FRMD5: variants seen among roughly 807,000 people sequenced by gnomAD.
FRMD5 encodes FERM domain containing 5.
FRMD5 carries 20 observed loss-of-function variants against 69.0 expected under a neutral mutation model. The ratio of observed to expected loss-of-function variants is 0.29; its 90% CI spans 0.20 to 0.42. The LOEUF is 0.42. Ranked by LOEUF, FRMD5 falls within the 10% of genes least tolerant of loss-of-function variation. FRMD5 has a pLI of 1.00. For missense variants in FRMD5, 595 were observed against 708.6 expected, an observed-to-expected ratio of 0.84 and a Z score of 1.82; for synonymous variants, 271 against 260.1, an observed-to-expected ratio of 1.04 and a Z score of -0.40.
At chr15:44,090,682 C>T (rs187160903) in intron 1 of FRMD5, among the ~76,000 whole-genome samples, 8 of 152,112 alleles carry the variant, frequency 5.3e-5, no homozygotes, top group Admixed American at 3.3e-4. Context: ...TCAGGTGATC[C>T]GCCCGCCTCA....
At chr15:44,162,848 C>A (rs1275345165) in intron 1 of FRMD5, among the ~76,000 whole-genome samples, 2 of 126,642 alleles carry the variant, frequency 1.6e-5, no homozygotes, top group African/African-American at 6.3e-5. Context: ...GCATGGGCAA[C>A]GAGAGCGAAA....
chr15:43,907,689 G>T (rs1428810188), intron 5 of FRMD5, among the ~76,000 whole-genome samples: 1 of 152,134 alleles, frequency 6.6e-6, no homozygotes, highest in Non-Finnish European at 1.5e-5. Context: ...TGTATTTTTA[G>T]GAGAGACGGG....
intron 1 of FRMD5, among the ~76,000 whole-genome samples, chr15:44,145,817 C>T (rs532734009): frequency 2.6e-5 from 4 of 152,178 alleles, no homozygotes; most frequent in South Asian, 2.1e-4. Context: ...GGGCATTATT[C>T]GGCCACTAAT....
chr15:44,021,590 C>CA (rs1391627326), intron 1 of FRMD5, among the ~76,000 whole-genome samples: 2 of 152,096 alleles, frequency 1.3e-5, no homozygotes, highest in African/African-American at 4.8e-5. Flanking sequence ...AAATGCAAAT[C>CA]AAAACCACAA....
intron 1 of FRMD5, among the ~76,000 whole-genome samples, chr15:43,978,249 T>A (rs545943803): frequency 1.3e-5 from 2 of 152,212 alleles, no homozygotes; most frequent in African/African-American, 4.8e-5. Context: ...AAAATACAAA[T>A]GAGATACCAC....
chr15:43,882,715 G>C (rs547295725), intron 13 of FRMD5, among the ~76,000 whole-genome samples: 1 of 152,000 alleles, frequency 6.6e-6, no homozygotes, highest in Non-Finnish European at 1.5e-5. Context: ...GAAATGCTTC[G>C]GAACCAAGAA....
At chr15:44,063,008 T>C (rs1186684786) in intron 1 of FRMD5, among the ~76,000 whole-genome samples, 1 of 152,220 alleles carries the variant, frequency 6.6e-6, no homozygotes, top group Non-Finnish European at 1.5e-5. Flanking sequence ...CAATTTTGAT[T>C]ACTGGTGCTT....
At chr15:43,970,386 G>A (rs942365509) in intron 1 of FRMD5, among the ~76,000 whole-genome samples, 4 of 152,224 alleles carry the variant, frequency 2.6e-5, no homozygotes, top group Non-Finnish European at 5.9e-5. Flanking sequence ...ATGTTTTTTA[G>A]TTTATGCCCT....
At chr15:44,168,258 G>C (rs1336830254) in intron 1 of FRMD5, among the ~76,000 whole-genome samples, 2 of 152,206 alleles carry the variant, frequency 1.3e-5, no homozygotes, top group Admixed American at 6.5e-5. Flanking sequence ...TGATCTTTGA[G>C]TGACTTCCCA....
intron 6 of FRMD5, among the ~76,000 whole-genome samples, chr15:43,904,925 G>A (rs1206647789): frequency 6.6e-6 from 1 of 152,118 alleles, no homozygotes; most frequent in South Asian, 2.1e-4. Flanking sequence ...ACTTCTCTCT[G>A]TGCAAAGTCG....
At chr15:43,915,930 G>A (rs965081398) in intron 4 of FRMD5, among the ~76,000 whole-genome samples, 5 of 152,234 alleles carry the variant, frequency 3.3e-5, no homozygotes, top group South Asian at 4.1e-4. Flanking sequence ...GGCTGGGCCC[G>A]GTATCTCCTC....
chr15:43,961,903 C>T (rs1014983248), intron 1 of FRMD5, among the ~76,000 whole-genome samples: 8 of 152,246 alleles, frequency 5.3e-5, no homozygotes, highest in South Asian at 2.1e-4. Context: ...TGGGATGTAT[C>T]TCAAAATAAT....
At chr15:43,920,355 C>G (rs1862662608) in intron 2 of FRMD5, among the ~76,000 whole-genome samples, 1 of 152,070 alleles carries the variant, frequency 6.6e-6, no homozygotes, top group South Asian at 2.1e-4. Flanking sequence ...CATAAATTGC[C>G]AACCCTTGTG....
chr15:43,967,216 C>T (rs55889744), intron 1 of FRMD5, among the ~76,000 whole-genome samples: 2,020 of 146,052 alleles, frequency 0.014, 26 homozygotes, highest in Middle Eastern at 0.029. Flanking sequence ...TATATATACA[C>T]ATAAATATAT....
At chr15:43,915,572 C>A (rs985143517) in intron 4 of FRMD5, among the ~76,000 whole-genome samples, 1 of 152,186 alleles carries the variant, frequency 6.6e-6, no homozygotes, top group Non-Finnish European at 1.5e-5. Flanking sequence ...CATACACCTG[C>A]AATCCCTGTT....
intron 4 of FRMD5, among the ~76,000 whole-genome samples, chr15:43,913,622 G>C (rs1392165267): frequency 6.6e-6 from 1 of 152,246 alleles, no homozygotes; most frequent in Non-Finnish European, 1.5e-5. Context: ...AGACTATCTT[G>C]TTGCCTGAGG....
chr15:43,962,750 C>T (rs370418846), intron 1 of FRMD5, among the ~76,000 whole-genome samples: 38 of 152,194 alleles, frequency 2.5e-4, no homozygotes, highest in South Asian at 6.2e-4. Flanking sequence ...GAAATAATGC[C>T]GCATATCTAC....
intron 4 of FRMD5, among the ~76,000 whole-genome samples, chr15:43,912,228 G>A (rs1212360188): frequency 2.0e-5 from 3 of 152,128 alleles, no homozygotes; most frequent in Admixed American, 2.0e-4. Flanking sequence ...GTGAGTCTTA[G>A]CCTGGAAGTT....
At chr15:43,947,422 T>A (rs951676583) in intron 1 of FRMD5, among the ~76,000 whole-genome samples, 2 of 152,240 alleles carry the variant, frequency 1.3e-5, no homozygotes, top group Non-Finnish European at 2.9e-5. Context: ...AGTTGACAGT[T>A]AAAACTATCT....
Sources: allele counts gnomAD v4.1 joint callset (sites outside exome capture counted in the v4.1 genomes callset), GRCh38; gene constraint gnomAD v4.1.1; transcripts MANE v1.5; gene names NCBI Gene and HGNC (gene_info 2026-07-23, HGNC 2026-07-21).